DOK6: variants seen among roughly 807,000 people sequenced by gnomAD.
The protein encoded by DOK6 is docking protein 6, also known as downstream of tyrosine kinase 6.
DOK6 carries 22 observed loss-of-function variants against 44.0 expected under a neutral mutation model. The ratio of observed to expected loss-of-function variants is 0.50; its 90% confidence interval spans 0.36 to 0.71. The LOEUF (loss-of-function observed/expected upper bound fraction) is 0.71, where lower values mean the gene tolerates loss of function less well. Ranked by LOEUF, DOK6 falls within the 30% of genes least tolerant of loss-of-function variation. The pLI is 0.00. For missense variants in DOK6, 340 were observed against 416.4 expected, an observed-to-expected ratio of 0.82 and a Z score of 1.60; for synonymous variants, 166 against 145.5, an observed-to-expected ratio of 1.14 and a Z score of -1.01.
chr18:69,529,587 A>G (rs957959278), intron 1 of DOK6, among the ~76,000 whole-genome samples: 7 of 152,368 alleles, frequency 4.6e-5, no homozygotes, highest in African/African-American at 9.6e-5. Context: ...TGGGCACTCC[A>G]TAACATAATA....
At chr18:69,737,358 A>C (rs1241671846) in intron 5 of DOK6, among the ~76,000 whole-genome samples, 1 of 152,070 alleles carries the variant, frequency 6.6e-6, no homozygotes, top group East Asian at 1.9e-4. Flanking sequence ...ACACTTAAAA[A>C]CCATCAGATC....
At chr18:69,671,756 A>G (rs1222391175) in intron 3 of DOK6, among the ~76,000 whole-genome samples, 1 of 152,178 alleles carries the variant, frequency 6.6e-6, no homozygotes, top group South Asian at 2.1e-4. Context: ...TCACCAAATT[A>G]TTTGCATTTG....
intron 2 of DOK6, among the ~76,000 whole-genome samples, chr18:69,584,331 A>C (rs558209879): frequency 2.0e-5 from 3 of 151,944 alleles, no homozygotes; most frequent in Non-Finnish European, 4.4e-5. Context: ...CTGTCACCCA[A>C]GCTGGAGTGC....
intron 1 of DOK6, among the ~76,000 whole-genome samples, chr18:69,456,367 T>A (rs1979633413): frequency 6.6e-6 from 1 of 152,136 alleles, no homozygotes. Context: ...GTGGTCAATG[T>A]TTAGCTCCTA....
intron 1 of DOK6, among the ~76,000 whole-genome samples, chr18:69,439,908 C>T (rs550290757): frequency 4.6e-5 from 7 of 152,178 alleles, no homozygotes; most frequent in Non-Finnish European, 1.0e-4. Context: ...AACTGTTTGG[C>T]ACAAGAGCTC....
intron 2 of DOK6, among the ~76,000 whole-genome samples, chr18:69,570,793 C>T (rs1028980846): frequency 6.6e-6 from 1 of 151,934 alleles, no homozygotes; most frequent in African/African-American, 2.4e-5. Context: ...GTATCTTCAA[C>T]CAAAAATTCT....
intron 3 of DOK6, among the ~76,000 whole-genome samples, chr18:69,637,008 A>C (rs78303300): frequency 0.011 from 1,675 of 152,268 alleles, 26 homozygotes; most frequent in African/African-American, 0.038. Context: ...ACTTTGTTTT[A>C]GTTCTGAATG....
intron 1 of DOK6, among the ~76,000 whole-genome samples, chr18:69,561,221 G>A (rs886376988): frequency 6.6e-6 from 1 of 152,130 alleles, no homozygotes; most frequent in Non-Finnish European, 1.5e-5. Context: ...AGTAATTTGT[G>A]TAAGGTTGCA....
In DOK6 at chr18:69,830,936, T is replaced by C. The variant is rs553068395; in HGVS notation, c.857-10308T>C. Among the ~76,000 whole-genome samples the C allele has an allele frequency of 4.6e-5, 7 of 152,126 alleles. No individual in the cohort carries two copies. In the South Asian group the frequency reaches 1.2e-3, roughly 27 times the overall value. On this transcript the variant is annotated intron_variant, in intron 7 of 7. Coordinates refer to ENST00000382713, the MANE Select transcript of DOK6 (RefSeq NM_152721.6). ...TAAATACCTCTGAGCTTCTAATTTATTTTTTTTCCACATGTAAAATGAAGA... is the reference window on the plus strand; with the variant it reads ...TAAATACCTCTGAGCTTCTAATTTACTTTTTTTCCACATGTAAAATGAAGA...
chr18:69,672,712 G>T (rs1307330372), intron 3 of DOK6, among the ~76,000 whole-genome samples: 1 of 150,500 alleles, frequency 6.6e-6, no homozygotes, highest in African/African-American at 2.4e-5. Context: ...AAAAAAGGGG[G>T]GGGTGGGGGC....
chr18:69,786,951 C>G (rs1241123086), intron 7 of DOK6, among the ~76,000 whole-genome samples: 1 of 152,218 alleles, frequency 6.6e-6, no homozygotes, highest in African/African-American at 2.4e-5. Context: ...CTTGGTGGCT[C>G]ACGCCTGTAA....
intron 3 of DOK6, among the ~76,000 whole-genome samples, chr18:69,617,489 G>A (rs1984318272): frequency 1.5e-5 from 2 of 129,908 alleles, no homozygotes; most frequent in Admixed American, 8.1e-5. Flanking sequence ...TAGGAGAAAA[G>A]AAGAAAGAAA....
At chr18:69,676,130 T>C (rs538534661) in intron 3 of DOK6, among the ~76,000 whole-genome samples, 1 of 152,304 alleles carries the variant, frequency 6.6e-6, no homozygotes, top group African/African-American at 2.4e-5. Flanking sequence ...CATAGTTTGA[T>C]AGTATGCCTT....
chr18:69,525,175 T>C (rs183316296), intron 1 of DOK6, among the ~76,000 whole-genome samples: 1 of 151,998 alleles, frequency 6.6e-6, no homozygotes, highest in East Asian at 1.9e-4. Context: ...TTGTTTATAG[T>C]TTTAGAGGTA....
At chr18:69,728,347 G>C (rs1317175633) in intron 5 of DOK6, among the ~76,000 whole-genome samples, 1 of 152,140 alleles carries the variant, frequency 6.6e-6, no homozygotes, top group South Asian at 2.1e-4. Flanking sequence ...AGTCACCCAG[G>C]TCCAGATGGA....
chr18:69,469,152 G>A (rs1420686854), intron 1 of DOK6, among the ~76,000 whole-genome samples: 1 of 152,206 alleles, frequency 6.6e-6, no homozygotes, highest in East Asian at 1.9e-4. Flanking sequence ...GACACGGAAT[G>A]GCAACCAGCA....
intron 2 of DOK6, among the ~76,000 whole-genome samples, chr18:69,592,805 C>T (rs1323557486): frequency 2.0e-5 from 3 of 151,760 alleles, no homozygotes; most frequent in East Asian, 3.9e-4. Context: ...AATAATTTAC[C>T]GATATTGAAA....
At chr18:69,702,721 G>T (rs1373248295) in intron 5 of DOK6, among the ~76,000 whole-genome samples, 3 of 152,200 alleles carry the variant, frequency 2.0e-5, no homozygotes, top group Non-Finnish European at 4.4e-5. Flanking sequence ...ATGTGGTGAC[G>T]TTTCACAAAT....
At chr18:69,744,169 G>A (rs1978899014) in intron 6 of DOK6, among the ~76,000 whole-genome samples, 1 of 152,050 alleles carries the variant, frequency 6.6e-6, no homozygotes, top group Non-Finnish European at 1.5e-5. Flanking sequence ...AAATTAGCTG[G>A]TGTGGTGGTG....
Sources: allele counts gnomAD v4.1 joint callset (sites outside exome capture counted in the v4.1 genomes callset), GRCh38; gene constraint gnomAD v4.1.1; transcripts MANE v1.5; gene names NCBI Gene and HGNC (gene_info 2026-07-23, HGNC 2026-07-21).